Variants in MYO3B observed in about 807,000 individuals in gnomAD.
MYO3B encodes the protein myosin-IIIb.
Under a neutral mutation model 174.6 loss-of-function variants are expected in MYO3B, and 156 were observed. The ratio of observed to expected loss-of-function variants is 0.89; its 90% confidence interval spans 0.78 to 1.02. The LOEUF (loss-of-function observed/expected upper bound fraction) is 1.02, where lower values mean the gene tolerates loss of function less well. Ranked by LOEUF, MYO3B falls within the 50% of genes least tolerant of loss-of-function variation. MYO3B has a pLI of 0.00. For synonymous variants in MYO3B, 563 were observed against 569.1 expected (o/e 0.99, Z 0.15); for missense variants, 1,632 against 1,639.4 (o/e 1.00, Z 0.08).
At chr2:170,282,509 C>T (rs1376745561) in intron 7 of MYO3B, among the ~76,000 whole-genome samples, 2 of 152,040 alleles carry the variant, frequency 1.3e-5, no homozygotes, top group Non-Finnish European at 2.9e-5. Flanking sequence ...TTACTATAGC[C>T]TTGTAGTATA....
intron 7 of MYO3B, among the ~76,000 whole-genome samples, chr2:170,324,634 C>G (rs1375802639): frequency 6.6e-6 from 1 of 152,202 alleles, no homozygotes; most frequent in African/African-American, 2.4e-5. Flanking sequence ...TTTTCTAATT[C>G]ACTTCGTTCC....
chr2:170,207,014 CTG>C (rs1361650977), intron 3 of MYO3B, among the ~76,000 whole-genome samples: 1 of 152,110 alleles, frequency 6.6e-6, no homozygotes, highest in Non-Finnish European at 1.5e-5. Flanking sequence ...TTGTAGAAAA[CTG>C]TTATTGTAAT....
intron 32 of MYO3B, among the ~76,000 whole-genome samples, chr2:170,642,468 A>G (rs929293461): frequency 6.6e-6 from 1 of 152,282 alleles, no homozygotes; most frequent in Admixed American, 6.5e-5. Context: ...AAAAAGCAGG[A>G]TCTGAATTAC....
At position 170,653,393 on chromosome 2, in the gene MYO3B, A is replaced by T; in HGVS notation, c.*272A>T. On this transcript the variant is annotated 3_prime_UTR_variant, in exon 35 of 35. Transcript: ENST00000408978. ...ACTGAGAACACCTTTACAATAGTTT[A>T]AACAGTCATTCATGCCCCCAGTGTC... is the stretch of plus-strand genomic sequence containing the variant. 2.3e-6 allele frequency: 1 copy of T among 426,858 alleles called. No homozygotes were observed. Among genetic ancestry groups the T allele is most frequent in the Non-Finnish European group, 4.2e-6 (1 of 238,476 alleles). 26.4% of individuals were successfully genotyped at this position (426,858 alleles called of 1,614,324 possible). A position where few individuals can be genotyped will look rare whatever the true frequency, so the allele number is the denominator to read the frequency against.
Position 170,466,526 on chromosome 2 carries a change from C to A in MYO3B, c.2829C>A (p.Leu943=). The change falls in exon 25 of 35, where the codon CTC becomes CTA. Residue 943 remains leucine (L), a synonymous_variant. Coordinates refer to ENST00000408978, the MANE Select transcript of MYO3B (RefSeq NM_138995.5). ...GGTAGTATTCTCTGATGGACCTGCT[C>A]TCCAAAATGGTGGTTGGACAGCCCC... ...SYFRYSLMDL[L]SKMVVGQPHF... 1.2e-6 allele frequency: 2 copies of A among 1,614,182 alleles called. No individual in the cohort carries two copies. The highest frequency in any genetic ancestry group is 2.2e-5 in the South Asian group (2 of 91,084).
chr2:170,653,042 G>T lies in MYO3B; in HGVS notation c.3947G>T (p.Cys1316Phe), dbSNP rs375491254. Residue 1316 changes from cysteine (C) to phenylalanine (F), a missense_variant, in exon 35 of 35, where the codon TGT becomes TTT. Physicochemically the swap from Cys to Phe is radical, Grantham distance 205 (BLOSUM62 -2). Transcript: ENST00000408978. ...TACAAATCTCTGTCACCAGTGGACT[G>T]TATCCCTGAGGAGAACAACTCAGCC... ...EYYKSLSPVD[C>F]IPEENNSAHP... 4 of 1,614,142 alleles carry T rather than the reference G, an allele frequency of 2.5e-6. No homozygotes were observed. In the East Asian group the frequency reaches 8.9e-5, roughly 36 times the overall value.
Position 170,626,946 on chromosome 2 carries a change from G to A in MYO3B, c.3734-24682G>A, listed in dbSNP as rs890235315. On this transcript the variant is annotated intron_variant, in intron 32 of 34. Coordinates refer to ENST00000408978, the MANE Select transcript of MYO3B (RefSeq NM_138995.5). ...TTAGTCTGATGGGCTTCCCTTTGTGGGTAACCCGACCTTTCTCTCTGGCTG... is the reference window on the plus strand; with the variant it reads ...TTAGTCTGATGGGCTTCCCTTTGTGAGTAACCCGACCTTTCTCTCTGGCTG... Among the ~76,000 whole-genome samples, 26 of 152,070 alleles carry A rather than the reference G, an allele frequency of 1.7e-4. 1 individual carries two copies. The highest frequency in any genetic ancestry group is 2.9e-5 in the Non-Finnish European group (2 of 68,012).
intron 7 of MYO3B, among the ~76,000 whole-genome samples, chr2:170,309,447 A>G (rs1320504459): frequency 6.6e-6 from 1 of 152,090 alleles, no homozygotes; most frequent in Non-Finnish European, 1.5e-5. Context: ...ACCTCTTATT[A>G]ACTCTAACTT....
intron 6 of MYO3B, among the ~76,000 whole-genome samples, chr2:170,229,252 C>T (rs1229458352): frequency 5.3e-5 from 8 of 152,328 alleles, no homozygotes; most frequent in Admixed American, 1.3e-4. Flanking sequence ...CTTCCTACCT[C>T]TCAGCCCATC....
At chr2:170,648,684 T>A (rs1201687159) in intron 32 of MYO3B, among the ~76,000 whole-genome samples, 1 of 118,234 alleles carries the variant, frequency 8.5e-6, no homozygotes, top group Non-Finnish European at 1.7e-5. Context: ...TAATATATAT[T>A]ATATTCTATA....
chr2:170,378,270 C>T (rs200712409), intron 9 of MYO3B, among the ~76,000 whole-genome samples: 7 of 152,230 alleles, frequency 4.6e-5, no homozygotes, highest in East Asian at 1.9e-4. Flanking sequence ...GAAAGTTAAG[C>T]GGGCAGCAGT....
At chr2:170,210,927 C>T (rs1322178070) in intron 3 of MYO3B, among the ~76,000 whole-genome samples, 2 of 152,118 alleles carry the variant, frequency 1.3e-5, no homozygotes, top group African/African-American at 2.4e-5. Context: ...CAGAAGAAAA[C>T]CAGCAGCCAT....
intron 32 of MYO3B, among the ~76,000 whole-genome samples, chr2:170,589,835 C>G (rs779283540): frequency 6.6e-6 from 1 of 152,210 alleles, no homozygotes; most frequent in Non-Finnish European, 1.5e-5. Context: ...CATTCACTCA[C>G]TGACGCACCC....
At chr2:170,268,006 G>A (rs1221517189) in intron 7 of MYO3B, among the ~76,000 whole-genome samples, 1 of 152,080 alleles carries the variant, frequency 6.6e-6, no homozygotes, top group Non-Finnish European at 1.5e-5. Context: ...TCAGGAGTTC[G>A]AGACCAGCCT....
At chr2:170,559,184 G>A (rs1212226054) in intron 32 of MYO3B, among the ~76,000 whole-genome samples, 1 of 152,166 alleles carries the variant, frequency 6.6e-6, no homozygotes, top group Non-Finnish European at 1.5e-5. Flanking sequence ...CCAGAGCTGG[G>A]CTTTAGGGAG....
At chr2:170,514,425 T>A (rs7563516) in intron 28 of MYO3B, among the ~76,000 whole-genome samples, 127,014 of 152,224 alleles carry the variant, frequency 0.83, 53,316 homozygotes, top group East Asian at 1. Context: ...GGGCTGCGAG[T>A]TCACAGGAAG....
At chr2:170,400,486 A>G (rs185823820) in intron 17 of MYO3B, among the ~76,000 whole-genome samples, 172 bp downstream of exon 17, 1 of 149,966 alleles carries the variant, frequency 6.7e-6, no homozygotes, top group Non-Finnish European at 1.5e-5. Context: ...GCTCACTGCA[A>G]CCTCTGCCTC....
intron 30 of MYO3B, among the ~76,000 whole-genome samples, chr2:170,536,473 G>C (rs761134118): frequency 6.6e-6 from 1 of 152,210 alleles, no homozygotes; most frequent in Non-Finnish European, 1.5e-5. Context: ...AAGTTACTGG[G>C]TATCCAAACC....
chr2:170,195,889 A>G (rs377459337), intron 1 of MYO3B, among the ~76,000 whole-genome samples: 2 of 152,342 alleles, frequency 1.3e-5, no homozygotes, highest in East Asian at 1.9e-4. Flanking sequence ...AATAATTTGG[A>G]TCTTTTAATC....
Sources: allele counts gnomAD v4.1 joint callset (sites outside exome capture counted in the v4.1 genomes callset), GRCh38; gene constraint gnomAD v4.1.1; transcripts MANE v1.5; gene names NCBI Gene and HGNC (gene_info 2026-07-23, HGNC 2026-07-21).